The following AGMAT variants were observed in gnomAD, a reference collection of about 807,000 sequenced individuals.
AGMAT encodes the protein agmatinase (putative), also known as guanidino acid hydrolase, mitochondrial.
In AGMAT, 37 loss-of-function variants were observed where a neutral mutation model predicts 29.3. The ratio of observed to expected loss-of-function variants is 1.26; its 90% CI spans 0.97 to 1.66. AGMAT has a LOEUF of 1.66. Among genes scored for constraint, AGMAT ranks in the 40% most tolerant of loss-of-function variants. The pLI, the probability that AGMAT is intolerant of heterozygous loss-of-function variation, is 0.00. For synonymous variants in AGMAT, 199 were observed against 200.8 expected (o/e 0.99, Z 0.08); for missense variants, 498 against 497.8 (o/e 1.00, Z 0.00).
intron 5 of AGMAT, among the ~76,000 whole-genome samples, chr1:15,576,364 C>T (rs1639036769): frequency 6.6e-6 from 1 of 152,116 alleles, no homozygotes; most frequent in South Asian, 2.1e-4. Flanking sequence ...CTTGGCCTCC[C>T]AAAGTGCTGG....
rs1301190676 is a variant in AGMAT at position 15,571,794 on chromosome 1, A to G, written c.*1857T>C. 1.3e-5 allele frequency: 2 copies of G among 152,216 alleles called. No individual in the cohort carries two copies. Among genetic ancestry groups the G allele is most frequent in the Admixed American group, 6.5e-5 (1 of 15,272 alleles). 9.4% of individuals were successfully genotyped at this position (152,216 alleles called of 1,614,324 possible). Reference sequence around the variant, plus strand: ...TGATTATGGACACATTATCAACAGAATTGAATTTGCATGGAACTCAAGACA... The same window carrying G: ...TGATTATGGACACATTATCAACAGAGTTGAATTTGCATGGAACTCAAGACA... On this transcript the variant is annotated 3_prime_UTR_variant, in exon 7 of 7. Transcript: ENST00000375826.
At chr1:15,582,357 A>C (rs985818194) in intron 2 of AGMAT, among the ~76,000 whole-genome samples, 3 of 151,982 alleles carry the variant, frequency 2.0e-5, no homozygotes, top group African/African-American at 7.2e-5. Context: ...TCATGCAGTG[A>C]GTAGGTGTTA....
At chr1:15,578,023 G>A (rs944720544) in intron 4 of AGMAT, among the ~76,000 whole-genome samples, 159 bp from the exon 5 acceptor site, 1 of 152,240 alleles carries the variant, frequency 6.6e-6, no homozygotes, top group African/African-American at 2.4e-5. Context: ...GAGGGACAAT[G>A]AGTGGTAAGG....
At chr1:15,575,067 A>T in intron 5 of AGMAT, 1 of 448,516 alleles carries the variant, frequency 2.2e-6, no homozygotes, top group East Asian at 4.1e-5. Context: ...AGACAAGGAA[A>T]CCAATCGTTT....
Position 15,580,075 on chromosome 1 carries a change from C to T in AGMAT, c.524+19G>A. 6.2e-7 allele frequency: 1 copy of T among 1,612,536 alleles called. No individual in the cohort carries two copies. The highest frequency in any genetic ancestry group is 1.1e-5 in the South Asian group (1 of 91,004). Reference sequence around the variant, plus strand: ...CTGGCTTTTGAAATCTTGCTGGGCCCAAGCCATTTGAGACTTACTTTTTTG... The same window carrying T: ...CTGGCTTTTGAAATCTTGCTGGGCCTAAGCCATTTGAGACTTACTTTTTTG... On this transcript the variant is annotated intron_variant, in intron 3 of 6. Coordinates refer to ENST00000375826, the MANE Select transcript of AGMAT (RefSeq NM_024758.5).
intron 3 of AGMAT, among the ~76,000 whole-genome samples, chr1:15,579,417 C>T (rs1283095273): frequency 2.0e-5 from 3 of 152,124 alleles, no homozygotes; most frequent in Non-Finnish European, 4.4e-5. Flanking sequence ...AAGCTTTAAT[C>T]CAGCTCTCTC....
chr1:15,580,051 T>C, intron 3 of AGMAT, 43 bp downstream of exon 3: 1 of 1,586,884 alleles, frequency 6.3e-7, no homozygotes, highest in Non-Finnish European at 8.7e-7. Flanking sequence ...CCCTAGCTTC[T>C]GGCTTTTGAA....
At chr1:15,575,049 G>T in intron 5 of AGMAT, 1 of 481,646 alleles carries the variant, frequency 2.1e-6, no homozygotes. Context: ...TGCATGGTGT[G>T]GTGATGGAGA....
chr1:15,573,556 G>A lies in AGMAT; in HGVS notation c.*95C>T. The stretch of plus-strand genomic sequence containing the variant: ...GACACTTTCAGCAGAAAGTTTTCTT[G>A]GCATAAACTCTTTAGTTCTCAGACT... On this transcript the variant is annotated 3_prime_UTR_variant, in exon 7 of 7. Transcript: ENST00000375826. The A allele has an allele frequency of 8.5e-7, 1 of 1,182,954 alleles. No individual in the cohort carries two copies. Among genetic ancestry groups the A allele is most frequent in the South Asian group, 1.3e-5 (1 of 77,418 alleles). The allele number at this position is 1,182,954 out of a possible 1,614,324, so 73.3% of individuals were successfully genotyped here. A position where few individuals can be genotyped will look rare whatever the true frequency, so the allele number is the denominator to read the frequency against.
intron 5 of AGMAT, chr1:15,575,382 C>G (rs1472633441): frequency 6.5e-6 from 1 of 152,894 alleles, no homozygotes; most frequent in Non-Finnish European, 1.5e-5. Context: ...GAATGTGTTT[C>G]AGAAATCCCT....
chr1:15,579,391 C>T (rs1433995443), intron 3 of AGMAT, among the ~76,000 whole-genome samples: 1 of 152,156 alleles, frequency 6.6e-6, no homozygotes, highest in African/African-American at 2.4e-5. Flanking sequence ...CACCCTTTCT[C>T]CAACCGAGGA....
At position 15,572,206 on chromosome 1, in the gene AGMAT, GTTTT is replaced by G. The variant is rs113730136; in HGVS notation, c.*1441_*1444del. On this transcript the variant is annotated 3_prime_UTR_variant, in exon 7 of 7. Coordinates refer to ENST00000375826, the MANE Select transcript of AGMAT (RefSeq NM_024758.5). ...TTCCAGTTTTGTTTTGTTTTCTGGG[GTTTT>G]TTTGTTTTGTTTTGTTTTGTTTTGT... The G allele has an allele frequency of 6.7e-6, 1 of 150,038 alleles. No individual in the cohort carries two copies. Among genetic ancestry groups the G allele is most frequent in the Non-Finnish European group, 1.5e-5 (1 of 67,700 alleles). The allele number at this position is 150,038 out of a possible 1,614,324, so 9.3% of individuals were successfully genotyped here.
At chr1:15,577,087 T>A (rs1261435578) in intron 5 of AGMAT, among the ~76,000 whole-genome samples, 6 of 152,022 alleles carry the variant, frequency 3.9e-5, no homozygotes, top group African/African-American at 1.4e-4. Flanking sequence ...TATAATGTTG[T>A]TCCTATGAAC....
chr1:15,582,904 A>C (rs1254392794), intron 2 of AGMAT, among the ~76,000 whole-genome samples: 2 of 152,200 alleles, frequency 1.3e-5, no homozygotes. Flanking sequence ...AGGCTGAGGC[A>C]GGAGAATTGC....
intron 1 of AGMAT, among the ~76,000 whole-genome samples, chr1:15,584,204 G>A (rs539893720): frequency 2.0e-4 from 30 of 152,284 alleles, no homozygotes; most frequent in South Asian, 1.0e-3. Context: ...GCGCAGTGGC[G>A]CAATCTCAGC....
intron 5 of AGMAT, among the ~76,000 whole-genome samples, chr1:15,577,274 C>T (rs920538044): frequency 9.2e-5 from 14 of 152,018 alleles, no homozygotes; most frequent in African/African-American, 3.4e-4. Context: ...GTGCTCTGCT[C>T]TTAAAATCCT....
At chr1:15,582,644 A>C (rs975020889) in intron 2 of AGMAT, among the ~76,000 whole-genome samples, 1 of 152,216 alleles carries the variant, frequency 6.6e-6, no homozygotes, top group Admixed American at 6.5e-5. Context: ...AGGTTGATGT[A>C]GACCCTGAGC....
Position 15,582,823 on chromosome 1 carries a change from C to A in AGMAT, c.475+370G>T, listed in dbSNP as rs1639133836. 2.6e-5 allele frequency among the ~76,000 whole-genome samples: 4 copies of A among 152,170 alleles called. No homozygotes were observed. The South Asian group carries it at 8.3e-4, about 32-fold the overall frequency. On this transcript the variant is annotated intron_variant, in intron 2 of 6. Transcript: ENST00000375826. ...GACCAGCCTGGCCAACATGGCAAAA[C>A]CCCGACTCTACCAAAAATACAAAAA...
chr1:15,578,996 G>C lies in AGMAT; in HGVS notation c.583C>G (p.Leu195Val). The change falls in exon 4 of 7, where the codon CTA becomes GTA. Residue 195 changes from leucine to valine, a missense_variant. Physicochemically the swap from Leu to Val is conservative, Grantham distance 32 (BLOSUM62 1). Coordinates refer to ENST00000375826, the MANE Select transcript of AGMAT (RefSeq NM_024758.5). Reference sequence around the variant, plus strand: ...GCCCCGTGGTAGAGCTTCTCTCCTAGGGCCTTGTCGGTCGTGTCCGTGTGC... The same window carrying C: ...GCCCCGTGGTAGAGCTTCTCTCCTACGGCCTTGTCGGTCGTGTCCGTGTGC... Reference protein sequence around the residue: ...DAHTDTTDKALGEKLYHGAPF... With the variant: ...DAHTDTTDKAVGEKLYHGAPF... 1 of 1,614,158 alleles carries C rather than the reference G, an allele frequency of 6.2e-7. No individual in the cohort carries two copies. The highest frequency in any genetic ancestry group is 8.5e-7 in the Non-Finnish European group (1 of 1,180,018).
Sources: allele counts gnomAD v4.1 joint callset (sites outside exome capture counted in the v4.1 genomes callset), GRCh38; gene constraint gnomAD v4.1.1; transcripts MANE v1.5; gene names NCBI Gene and HGNC (gene_info 2026-07-23, HGNC 2026-07-21).